The following KIRREL3 variants were observed in gnomAD, a reference collection of about 807,000 sequenced individuals.
KIRREL3 encodes kin of IRRE-like protein 3.
In KIRREL3, 36 loss-of-function variants were observed where a neutral mutation model predicts 89.7. That is an observed-to-expected ratio of 0.40 (90% confidence interval 0.31 to 0.53). The LOEUF is 0.53. Ranked by LOEUF, KIRREL3 falls within the 20% of genes least tolerant of loss-of-function variation. KIRREL3 has a pLI of 0.49. For missense variants in KIRREL3, 864 were observed against 1,056.6 expected, an observed-to-expected ratio of 0.82 and a Z score of 2.53; for synonymous variants, 445 against 441.4, an observed-to-expected ratio of 1.01 and a Z score of -0.10.
intron 1 of KIRREL3, among the ~76,000 whole-genome samples, chr11:126,799,968 A>G (rs531226170): frequency 6.6e-6 from 1 of 152,300 alleles, no homozygotes; most frequent in East Asian, 1.9e-4. Context: ...TCATCTCAGG[A>G]GTTAAATGAC....
In KIRREL3 at chr11:126,429,911, C is replaced by T. The variant is rs1955067371; in HGVS notation, c.1697-623G>A. Among the ~76,000 whole-genome samples, 1 of 151,934 alleles carries T rather than the reference C, an allele frequency of 6.6e-6. No homozygotes were observed. The highest frequency in any genetic ancestry group is 1.5e-5 in the Non-Finnish European group (1 of 68,010). ...CAGCACTTTGGGAGGCCGAGGTGGG[C>T]AGATCACGAGGTCAGGAGTTTGACA... is the stretch of plus-strand genomic sequence containing the variant. On this transcript the variant is annotated intron_variant, in intron 14 of 16. Coordinates refer to ENST00000525144, the MANE Select transcript of KIRREL3 (RefSeq NM_032531.4). The surrounding 1 kb of genome is among the most constrained non-coding windows in gnomAD (Gnocchi z 5.2).
chr11:126,583,347 G>GT (rs1591775477), intron 1 of KIRREL3, among the ~76,000 whole-genome samples: 1 of 152,170 alleles, frequency 6.6e-6, no homozygotes, highest in African/African-American at 2.4e-5. Context: ...GAAATCTCCA[G>GT]TTCTGCCAAA....
At chr11:126,765,873 T>TC (rs1392217839) in intron 1 of KIRREL3, among the ~76,000 whole-genome samples, 2 of 151,800 alleles carry the variant, frequency 1.3e-5, no homozygotes, top group African/African-American at 2.4e-5. Context: ...GTTAAATCCT[T>TC]CCCCCCAACT....
chr11:126,731,396 C>A (rs1948611922), intron 1 of KIRREL3, among the ~76,000 whole-genome samples: 2 of 152,218 alleles, frequency 1.3e-5, no homozygotes, highest in Non-Finnish European at 2.9e-5. Context: ...CTTACTTAGT[C>A]CTTCAAGACT....
chr11:126,608,997 T>C lies in KIRREL3; in HGVS notation c.56-46085A>G, dbSNP rs1170888234. Among the ~76,000 whole-genome samples the C allele has an allele frequency of 6.6e-6, 1 of 152,096 alleles. No homozygotes were observed. The highest frequency in any genetic ancestry group is 6.5e-5 in the Admixed American group (1 of 15,278). On this transcript the variant is annotated intron_variant, in intron 1 of 16. Transcript: ENST00000525144. The surrounding 1 kb of genome is among the most constrained non-coding windows in gnomAD (Gnocchi z 4.9). ...CAGAAACAATCAGGCCAGAGGGGTA[T>C]TTGTTGCAGAAGAGAAATGTGATGC...
In KIRREL3 at chr11:126,995,205, G is replaced by A. The variant is rs780597841; in HGVS notation, c.55+5250C>T. ...GCCCCCCAGAGCAGCTGCTCCCACC[G>A]ACCCTGCTCCAAGAGTGCTGGGATG... is the stretch of plus-strand genomic sequence containing the variant. On this transcript the variant is annotated intron_variant, in intron 1 of 16. Coordinates refer to ENST00000525144, the MANE Select transcript of KIRREL3 (RefSeq NM_032531.4). This position sits in a 1 kb window ranked among gnomAD's most constrained non-coding sequence, Gnocchi z 6.5. 1.3e-5 allele frequency: 6 copies of A among 455,988 alleles called. No individual in the cohort carries two copies. The highest frequency in any genetic ancestry group is 3.1e-5 in the South Asian group (2 of 64,558). The allele number at this position is 455,988 out of a possible 1,614,324, so 28.2% of individuals were successfully genotyped here.
chr11:126,828,590 C>G (rs1943497248), intron 1 of KIRREL3, among the ~76,000 whole-genome samples: 1 of 152,278 alleles, frequency 6.6e-6, no homozygotes, highest in African/African-American at 2.4e-5. Context: ...AGGGTGCACT[C>G]TGCTGGGTAC....
At chr11:127,001,885 GC>G (rs1950322059), upstream of KIRREL3, among the ~76,000 whole-genome samples, 1 of 151,986 alleles carries the variant, frequency 6.6e-6, no homozygotes, top group Non-Finnish European at 1.5e-5. Flanking sequence ...TCAACGTTAT[GC>G]ACTGTGAGAA....
rs1402880611 is a variant in KIRREL3, at chr11:126,996,860, A to C, written c.55+3595T>G. On this transcript the variant is annotated intron_variant, in intron 1 of 16. Transcript: ENST00000525144. This position sits in a 1 kb window ranked among gnomAD's most constrained non-coding sequence, Gnocchi z 4.7. ...AAGCCAAAAGATCTGGGTTCAGCAGAATTAGAACCTTCACAACCACAGAAT... is the reference window on the plus strand; with the variant it reads ...AAGCCAAAAGATCTGGGTTCAGCAGCATTAGAACCTTCACAACCACAGAAT... Among the ~76,000 whole-genome samples the C allele has an allele frequency of 6.6e-6, 1 of 152,234 alleles. No homozygotes were observed. Among genetic ancestry groups the C allele is most frequent in the South Asian group, 2.1e-4 (1 of 4,834 alleles).
chr11:126,500,826 A>T (rs1957833644), intron 4 of KIRREL3, among the ~76,000 whole-genome samples: 1 of 152,186 alleles, frequency 6.6e-6, no homozygotes, highest in Admixed American at 6.5e-5. Context: ...CCAGATCAGC[A>T]TACTCATAAC....
At chr11:126,509,861 G>A (rs57142028) in intron 4 of KIRREL3, among the ~76,000 whole-genome samples, 5,430 of 151,928 alleles carry the variant, frequency 0.036, 388 homozygotes, top group African/African-American at 0.12. Flanking sequence ...GCTGGGCGTG[G>A]TGGTGCACAT....
chr11:126,583,612 G>A (rs925150702), intron 1 of KIRREL3, among the ~76,000 whole-genome samples: 1 of 152,218 alleles, frequency 6.6e-6, no homozygotes, highest in Non-Finnish European at 1.5e-5. Context: ...CTTATTAATT[G>A]TGGGACCCCG....
chr11:126,604,534 G>A (rs1039617703), intron 1 of KIRREL3, among the ~76,000 whole-genome samples: 4 of 152,184 alleles, frequency 2.6e-5, no homozygotes, highest in African/African-American at 9.6e-5. Flanking sequence ...CAGGCCGTTC[G>A]CAGTTAGTGT....
rs368288291 is a variant in KIRREL3 at position 126,763,756 on chromosome 11, C to T, written c.56-200844G>A. On this transcript the variant is annotated intron_variant, in intron 1 of 16. Transcript: ENST00000525144. The surrounding 1 kb of genome is among the most constrained non-coding windows in gnomAD (Gnocchi z 4.7). ...GGACAATAGAAACACCCCTCTCAAACGTAGGGAAAGCTTGTCCACAAAGCA... is the reference window on the plus strand; with the variant it reads ...GGACAATAGAAACACCCCTCTCAAATGTAGGGAAAGCTTGTCCACAAAGCA... Among the ~76,000 whole-genome samples the T allele has an allele frequency of 5.3e-5, 8 of 152,190 alleles. No individual in the cohort carries two copies. Among genetic ancestry groups the T allele is most frequent in the South Asian group, 2.1e-4 (1 of 4,830 alleles).
At position 126,477,582 on chromosome 11, in the gene KIRREL3, A is replaced by G. The variant is rs1016361939; in HGVS notation, c.434-4116T>C. 3.9e-5 allele frequency among the ~76,000 whole-genome samples: 6 copies of G among 152,152 alleles called. No homozygotes were observed. Among genetic ancestry groups the G allele is most frequent in the Non-Finnish European group, 5.9e-5 (4 of 68,030 alleles). On this transcript the variant is annotated intron_variant, in intron 4 of 16. Transcript: ENST00000525144. This position sits in a 1 kb window ranked among gnomAD's most constrained non-coding sequence, Gnocchi z 4.8. ...GGTAAAGCTTTCATCTATTTCACGC[A>G]CTAAGGTTCTCTCTAACCTCTATAC... is the stretch of plus-strand genomic sequence containing the variant.
chr11:126,481,799 A>T (rs1212643214), intron 4 of KIRREL3, among the ~76,000 whole-genome samples: 2 of 152,228 alleles, frequency 1.3e-5, no homozygotes, highest in African/African-American at 4.8e-5. Flanking sequence ...AGAAGTCTGA[A>T]TATTCACCTA....
At chr11:126,815,188 T>G (rs1315171898) in intron 1 of KIRREL3, among the ~76,000 whole-genome samples, 3 of 152,202 alleles carry the variant, frequency 2.0e-5, no homozygotes, top group Non-Finnish European at 4.4e-5. Context: ...GCAATTAGCT[T>G]TTACAAGTTC....
Position 126,571,880 on chromosome 11 carries a change from T to G in KIRREL3, c.56-8968A>C, listed in dbSNP as rs1371790146. 6.6e-6 allele frequency among the ~76,000 whole-genome samples: 1 copy of G among 152,206 alleles called. No homozygotes were observed. Among genetic ancestry groups the G allele is most frequent in the Non-Finnish European group, 1.5e-5 (1 of 68,024 alleles). ...AACGTATCTAATTCCAATGAGTTAC[T>G]TGCTAGGTGGGGGAACAGAGAAATA... On this transcript the variant is annotated intron_variant, in intron 1 of 16. Coordinates refer to ENST00000525144, the MANE Select transcript of KIRREL3 (RefSeq NM_032531.4). The surrounding 1 kb of genome is among the most constrained non-coding windows in gnomAD (Gnocchi z 7.7).
intron 2 of KIRREL3, among the ~76,000 whole-genome samples, chr11:126,529,727 A>G (rs1260471702): frequency 2.0e-5 from 3 of 152,052 alleles, no homozygotes; most frequent in Admixed American, 1.3e-4. Flanking sequence ...CCCAAAGGAC[A>G]TGATTTACAA....
Sources: gnomAD v4.1 joint callset for allele counts (sites outside exome capture counted in the v4.1 genomes callset) on GRCh38, gnomAD v4.1.1 for gene constraint, Gnocchi (gnomAD v3.1) non-coding constraint, MANE v1.5 for transcripts, NCBI Gene and HGNC (gene_info 2026-07-23, HGNC 2026-07-21) for gene names.